Variants in COL4A3 observed in about 807,000 individuals in gnomAD.
The protein encoded by COL4A3 is collagen type IV alpha 3 chain, also known as collagen alpha-3(IV) chain.
COL4A3 carries 135 observed loss-of-function variants against 217.4 expected under a neutral mutation model. That is an observed-to-expected ratio of 0.62 (90% CI 0.54 to 0.72). COL4A3 has a LOEUF of 0.72. Among genes scored for constraint, COL4A3 ranks in the 30% least tolerant of loss-of-function variants. The probability of loss-of-function intolerance (pLI) is 0.00; values close to 1 mark genes in which losing one functional copy is unlikely to be tolerated. For synonymous variants in COL4A3, 690 were observed against 736.3 expected, an observed-to-expected ratio of 0.94 and a Z score of 1.02; for missense variants, 1,868 against 2,119.9, an observed-to-expected ratio of 0.88 and a Z score of 2.33.
chr2:227,185,495 A>G (rs949409114), intron 1 of COL4A3, among the ~76,000 whole-genome samples: 1 of 152,212 alleles, frequency 6.6e-6, no homozygotes, highest in South Asian at 2.1e-4. Context: ...TAGGTAAGCT[A>G]GTCATTACTA....
intron 3 of COL4A3, among the ~76,000 whole-genome samples, chr2:227,241,990 G>A (rs1237762115): frequency 3.3e-5 from 5 of 152,198 alleles, no homozygotes; most frequent in African/African-American, 1.2e-4. Flanking sequence ...GACACTGTGT[G>A]TGGGATTTTC....
chr2:227,310,816 C>T lies in COL4A3; in HGVS notation c.4796C>T (p.Ala1599Val). 6.2e-7 allele frequency: 1 copy of T among 1,614,110 alleles called. No homozygotes were observed. The highest frequency in any genetic ancestry group is 8.5e-7 in the Non-Finnish European group (1 of 1,179,986). The change falls in exon 51 of 52, where the codon GCC (alanine) becomes GTC (valine). Residue 1599 changes from alanine (A) to valine (V), a missense_variant. Ala to Val is a moderately conservative substitution (Grantham distance 64). Around this residue, in one of 2 missense-constraint regions of COL4A3, gnomAD observed 1,503 missense variants for 1,786.1 expected, o/e 0.84. Coordinates refer to ENST00000396578, the MANE Select transcript of COL4A3 (RefSeq NM_000091.5). ...TCTGAGGGCACCGGGCAAGCACTGG[C>T]CTCCCCTGGCTCCTGCCTGGAAGAA... ...AGSEGTGQAL[A>V]SPGSCLEEFR...
intron 1 of COL4A3, among the ~76,000 whole-genome samples, chr2:227,212,506 C>G (rs1300936141): frequency 6.6e-6 from 1 of 152,338 alleles, no homozygotes; most frequent in East Asian, 1.9e-4. Context: ...CACTCAGCCT[C>G]TTTATCTGTC....
At chr2:227,272,060 C>T (rs1291214921) in intron 25 of COL4A3, among the ~76,000 whole-genome samples, 1 of 152,198 alleles carries the variant, frequency 6.6e-6, no homozygotes, top group Non-Finnish European at 1.5e-5. Flanking sequence ...CTTCTGACTA[C>T]AAAACCCTTT....
chr2:227,205,490 T>C (rs2067066796), intron 1 of COL4A3, among the ~76,000 whole-genome samples: 1 of 152,168 alleles, frequency 6.6e-6, no homozygotes, highest in African/African-American at 2.4e-5. Flanking sequence ...CTCATAGTTA[T>C]AGAATGAATA....
At chr2:227,193,148 C>A (rs1472316998) in intron 1 of COL4A3, among the ~76,000 whole-genome samples, 1 of 152,170 alleles carries the variant, frequency 6.6e-6, no homozygotes, top group African/African-American at 2.4e-5. Context: ...TACAAGGATA[C>A]ATCTTCATTC....
intron 48 of COL4A3, among the ~76,000 whole-genome samples, chr2:227,308,186 T>C (rs2073591913): frequency 6.6e-6 from 1 of 152,160 alleles, no homozygotes; most frequent in Non-Finnish European, 1.5e-5. Context: ...ACCACCTGTC[T>C]GCATTTATCT....
chr2:227,231,066 G>A (rs750005929), intron 1 of COL4A3, among the ~76,000 whole-genome samples: 21 of 152,178 alleles, frequency 1.4e-4, no homozygotes, highest in Admixed American at 1.3e-4. Context: ...TTCCACTAAC[G>A]CAGGCATAGA....
chr2:227,180,188 A>T (rs2065824813), intron 1 of COL4A3, among the ~76,000 whole-genome samples: 1 of 152,184 alleles, frequency 6.6e-6, no homozygotes, highest in South Asian at 2.1e-4. Context: ...TTGCCATCTT[A>T]CGCAAAAGCA....
intron 9 of COL4A3, among the ~76,000 whole-genome samples, chr2:227,249,254 GAGA>G (rs2069588882): frequency 1.4e-4 from 1 of 6,994 alleles, no homozygotes; most frequent in African/African-American, 4.3e-4. Flanking sequence ...TTTTTTTTTT[GAGA>G]AGGAGTCTGG....
intron 1 of COL4A3, among the ~76,000 whole-genome samples, chr2:227,179,248 G>A (rs2125666796): frequency 6.6e-6 from 1 of 152,194 alleles, no homozygotes; most frequent in South Asian, 2.1e-4. Flanking sequence ...ATCGTGCCTG[G>A]CCACAGCCCT....
chr2:227,230,911 G>C (rs1574634067), intron 1 of COL4A3, among the ~76,000 whole-genome samples: 1 of 152,152 alleles, frequency 6.6e-6, no homozygotes, highest in Non-Finnish European at 1.5e-5. Context: ...ATAATTTTGA[G>C]TTCACACAAT....
At position 227,289,247 on chromosome 2, in the gene COL4A3, A is replaced by G; in HGVS notation, c.2979A>G (p.Pro993=). 6.2e-7 allele frequency: 1 copy of G among 1,609,574 alleles called. No individual in the cohort carries two copies. Among genetic ancestry groups the G allele is most frequent in the Non-Finnish European group, 8.5e-7 (1 of 1,176,250 alleles). ...LKGLPGPAGP[P]GPRGDLGSTG... Reference sequence around the variant, plus strand: ...GACTACCCGGACCAGCAGGACCACCAGGTACAGCTGATTCTCAAATAGAAA... The same window carrying G: ...GACTACCCGGACCAGCAGGACCACCGGGTACAGCTGATTCTCAAATAGAAA... Residue 993 remains proline, a splice_region_variant and synonymous_variant, in exon 35 of 52, where the codon CCA becomes CCG. Transcript: ENST00000396578.
intron 41 of COL4A3, among the ~76,000 whole-genome samples, chr2:227,296,892 GT>G (rs1426239297): frequency 6.6e-6 from 1 of 152,092 alleles, no homozygotes; most frequent in African/African-American, 2.4e-5. Flanking sequence ...TCTATCTTCC[GT>G]TTTCATGCCA....
chr2:227,203,440 T>C (rs539885100), intron 1 of COL4A3, among the ~76,000 whole-genome samples: 1 of 65,622 alleles, frequency 1.5e-5, no homozygotes, highest in African/African-American at 7.6e-5. Flanking sequence ...TATGTGTGTA[T>C]ATGTGTATAC....
At chr2:227,246,560 T>G in intron 6 of COL4A3, 125 bp from the exon 7 acceptor site, 4 of 762,270 alleles carry the variant, frequency 5.2e-6, no homozygotes, top group Non-Finnish European at 9.3e-6. Context: ...CCAGTAGCCA[T>G]AAGGAATTCG....
intron 5 of COL4A3, chr2:227,245,743 C>T (rs2069296302): frequency 1.6e-6 from 1 of 614,168 alleles, no homozygotes; most frequent in African/African-American, 1.8e-5. Context: ...TTTGAAATAT[C>T]CACATCTCAT....
chr2:227,307,692 A>T lies in COL4A3; in HGVS notation c.4253-18A>T. The T allele has an allele frequency of 6.2e-7, 1 of 1,609,370 alleles. No homozygotes were observed. The highest frequency in any genetic ancestry group is 8.5e-7 in the Non-Finnish European group (1 of 1,175,624). On this transcript the variant is annotated intron_variant, in intron 47 of 51. Transcript: ENST00000396578. ...GATTTTTGTGTATGTTGCAACATTT[A>T]GAATGTGTTTTTTGAAGGACCAGCT...
chr2:227,235,081 G>A (rs34527770), intron 1 of COL4A3, among the ~76,000 whole-genome samples: 28,261 of 152,028 alleles, frequency 0.19, 2,783 homozygotes, highest in Middle Eastern at 0.27. Flanking sequence ...CTTTCCTTTC[G>A]GAGGCCCTGC....
Sources: gnomAD v4.1 joint callset for allele counts (sites outside exome capture counted in the v4.1 genomes callset) on GRCh38, gnomAD v4.1.1 for gene constraint, gnomAD v4.1.1 regional missense constraint, MANE v1.5 for transcripts, NCBI Gene and HGNC (gene_info 2026-07-23, HGNC 2026-07-21) for gene names.